The following PKHD1 variants were observed in gnomAD, a reference collection of about 807,000 sequenced individuals.
PKHD1 encodes the protein fibrocystin.
Under a neutral mutation model 412.0 loss-of-function variants are expected in PKHD1, and 291 were observed. The observed-to-expected ratio is 0.71, with a 90% CI of 0.64 to 0.78. The LOEUF is 0.78. Among genes scored for constraint, PKHD1 ranks in the 30% least tolerant of loss-of-function variants. The pLI is 0.00. For synonymous variants in PKHD1, 1,777 were observed against 1,821.5 expected, an observed-to-expected ratio of 0.98 and a Z score of 0.62; for missense variants, 4,825 against 4,950.7, an observed-to-expected ratio of 0.97 and a Z score of 0.76.
intron 61 of PKHD1, among the ~76,000 whole-genome samples, chr6:51,658,687 T>C (rs1418973064): frequency 1.6e-4 from 25 of 152,120 alleles, no homozygotes; most frequent in Admixed American, 1.6e-3. Flanking sequence ...AAAATATCTC[T>C]TCCTACATGC....
intron 35 of PKHD1, among the ~76,000 whole-genome samples, chr6:51,981,445 G>A (rs1423210024): frequency 2.0e-5 from 3 of 151,784 alleles, no homozygotes; most frequent in Non-Finnish European, 2.9e-5. Flanking sequence ...CAGCCTCCCT[G>A]CCTGATTCTC....
At chr6:52,064,722 G>C (rs147793998) in intron 13 of PKHD1, among the ~76,000 whole-genome samples, 1 of 151,464 alleles carries the variant, frequency 6.6e-6, no homozygotes, top group South Asian at 2.1e-4. Context: ...TCTTCTGGAC[G>C]CCACTGGCCA....
intron 35 of PKHD1, among the ~76,000 whole-genome samples, chr6:51,974,679 C>G (rs1794128269): frequency 6.6e-6 from 1 of 152,116 alleles, no homozygotes; most frequent in Non-Finnish European, 1.5e-5. Context: ...ATAAGAACGA[C>G]ACAATGGACT....
At chr6:51,900,911 A>G (rs1011825733) in intron 43 of PKHD1, among the ~76,000 whole-genome samples, 7 of 152,246 alleles carry the variant, frequency 4.6e-5, no homozygotes, top group African/African-American at 1.4e-4. Context: ...AAAAACACAT[A>G]AAAAAATGCT....
At position 52,043,752 on chromosome 6, in the gene PKHD1, T is replaced by C. The variant is rs761466874; in HGVS notation, c.2716-22A>G. The C allele has an allele frequency of 1.9e-6, 3 of 1,574,462 alleles. No homozygotes were observed. In the South Asian group the frequency reaches 3.3e-5, roughly 17 times the overall value. Reference sequence around the variant, plus strand: ...CCACCTGAAATGAGGCAAAATTTCTTTTCCATTTTATGCATTTCATATCTA... The same window carrying C: ...CCACCTGAAATGAGGCAAAATTTCTCTTCCATTTTATGCATTTCATATCTA... On this transcript the variant is annotated intron_variant, in intron 25 of 66. Coordinates refer to ENST00000371117, the MANE Select transcript of PKHD1 (RefSeq NM_138694.4).
At chr6:51,634,211 G>A (rs185670168) in intron 64 of PKHD1, among the ~76,000 whole-genome samples, 3 of 152,138 alleles carry the variant, frequency 2.0e-5, no homozygotes, top group Non-Finnish European at 4.4e-5. Context: ...GAAACACCAT[G>A]TTTTTCTTTG....
At chr6:52,043,909 A>C (rs1028080069) in intron 25 of PKHD1, among the ~76,000 whole-genome samples, 179 bp from the exon 26 acceptor site, 9 of 152,194 alleles carry the variant, frequency 5.9e-5, no homozygotes, top group Non-Finnish European at 1.3e-4. Flanking sequence ...AAAACACATG[A>C]AGCTTTCTTA....
At chr6:51,759,850 T>A (rs1003862051) in intron 55 of PKHD1, among the ~76,000 whole-genome samples, 3 of 152,244 alleles carry the variant, frequency 2.0e-5, no homozygotes, top group Admixed American at 2.0e-4. Flanking sequence ...GTTACACCTT[T>A]AGCTAACCAC....
intron 36 of PKHD1, 37 bp from the exon 37 acceptor site, chr6:51,934,359 G>A: frequency 7.3e-7 from 1 of 1,373,402 alleles, no homozygotes; most frequent in Admixed American, 1.7e-5. Flanking sequence ...TCCCTGGGAG[G>A]ATAAGGCTTA....
intron 52 of PKHD1, among the ~76,000 whole-genome samples, chr6:51,815,732 C>A (rs1765352010): frequency 6.6e-6 from 1 of 152,156 alleles, no homozygotes; most frequent in Non-Finnish European, 1.5e-5. Context: ...TATCCAAGAC[C>A]AAGGCCTCAG....
chr6:51,721,153 T>C (rs1295869211), intron 60 of PKHD1: 3 of 954,500 alleles, frequency 3.1e-6, no homozygotes, highest in Admixed American at 6.2e-5. Context: ...ACTGGGCACA[T>C]GGGAGTTATT....
chr6:51,952,995 G>C (rs1041686340), intron 36 of PKHD1, among the ~76,000 whole-genome samples: 10 of 152,216 alleles, frequency 6.6e-5, no homozygotes, highest in African/African-American at 2.4e-4. Flanking sequence ...TTTGTGCATT[G>C]ATTTGAGGAC....
Position 51,659,291 on chromosome 6 carries a change from G to T in PKHD1, c.10835C>A (p.Ala3612Asp). The T allele has an allele frequency of 6.2e-7, 1 of 1,613,806 alleles. No homozygotes were observed. Among genetic ancestry groups the T allele is most frequent in the Middle Eastern group, 1.7e-4 (1 of 6,060 alleles). The change falls in exon 61 of 67, where the codon GCT (alanine) becomes GAT (aspartate). Residue 3612 changes from alanine (A) to aspartate (D), a missense_variant. Physicochemically the swap from Ala to Asp is moderately radical, Grantham distance 126 (BLOSUM62 -2). Coordinates refer to ENST00000371117, the MANE Select transcript of PKHD1 (RefSeq NM_138694.4). ...PGHEETLKAI[A>D]DSRAKRKRNC... ...GCGCTTTCTTTTTGCTCTACTGTCA[G>T]CAATGGCCTTTAAGGTCTCTTCATG...
At chr6:51,696,553 T>C (rs1778823298) in intron 60 of PKHD1, among the ~76,000 whole-genome samples, 1 of 152,224 alleles carries the variant, frequency 6.6e-6, no homozygotes, top group South Asian at 2.1e-4. Flanking sequence ...GCTCCAGAAC[T>C]CTTACCCTAC....
intron 34 of PKHD1, among the ~76,000 whole-genome samples, chr6:52,013,969 T>C (rs552997362): frequency 3.9e-5 from 6 of 152,340 alleles, no homozygotes; most frequent in African/African-American, 7.2e-5. Flanking sequence ...CAGCACAGCA[T>C]TGCACTAAGC....
At chr6:52,036,262 T>C (rs575479697) in intron 27 of PKHD1, among the ~76,000 whole-genome samples, 3 of 152,354 alleles carry the variant, frequency 2.0e-5, no homozygotes, top group Admixed American at 2.0e-4. Context: ...ACACTACACA[T>C]ACTAGGTTCA....
chr6:51,798,771 G>C (rs1794975778), intron 52 of PKHD1, among the ~76,000 whole-genome samples: 1 of 152,066 alleles, frequency 6.6e-6, no homozygotes, highest in African/African-American at 2.4e-5. Flanking sequence ...ATACAAATTG[G>C]TTTATATCTG....
intron 23 of PKHD1, 64 bp from the exon 24 acceptor site, chr6:52,046,252 T>G: frequency 8.0e-7 from 1 of 1,246,356 alleles, no homozygotes; most frequent in Non-Finnish European, 1.2e-6. Flanking sequence ...CAGAGTTTCA[T>G]CCTCAAGGAT....
At chr6:51,900,084 C>T (rs1167820740) in intron 43 of PKHD1, among the ~76,000 whole-genome samples, 1 of 152,102 alleles carries the variant, frequency 6.6e-6, no homozygotes. Flanking sequence ...TGAAAATGGC[C>T]ATACTGCCCA....
Sources: allele counts gnomAD v4.1 joint callset (sites outside exome capture counted in the v4.1 genomes callset), GRCh38; gene constraint gnomAD v4.1.1; transcripts MANE v1.5; gene names NCBI Gene and HGNC (gene_info 2026-07-23, HGNC 2026-07-21).